Variants in GRID2 observed in about 807,000 individuals in gnomAD.
The protein encoded by GRID2 is glutamate ionotropic receptor delta type subunit 2.
In GRID2, 33 loss-of-function variants were observed where a neutral mutation model predicts 114.8. The ratio of observed to expected loss-of-function variants is 0.29; its 90% confidence interval spans 0.22 to 0.38. The LOEUF is 0.38. Ranked by LOEUF, GRID2 falls within the 10% of genes least tolerant of loss-of-function variation. GRID2 has a pLI of 1.00. For synonymous variants in GRID2, 505 were observed against 449.9 expected (o/e 1.12, Z -1.55); for missense variants, 1,184 against 1,257.7 (o/e 0.94, Z 0.89).
At chr4:93,477,765 A>C (rs910116669) in intron 11 of GRID2, among the ~76,000 whole-genome samples, 2 of 152,158 alleles carry the variant, frequency 1.3e-5, no homozygotes, top group Non-Finnish European at 2.9e-5. Flanking sequence ...TGTCCAGTAG[A>C]ACTGAATGCA....
At chr4:93,500,114 T>G (rs1266926826) in intron 12 of GRID2, among the ~76,000 whole-genome samples, 1 of 151,982 alleles carries the variant, frequency 6.6e-6, no homozygotes, top group Non-Finnish European at 1.5e-5. Flanking sequence ...TATTTCTAAG[T>G]TATGTGGTAT....
intron 12 of GRID2, among the ~76,000 whole-genome samples, chr4:93,508,015 G>GT (rs1157343362): frequency 1.3e-5 from 2 of 151,828 alleles, no homozygotes; most frequent in Non-Finnish European, 2.9e-5. Flanking sequence ...CTGTGGGGTG[G>GT]GGGAATTGGG....
intron 2 of GRID2, among the ~76,000 whole-genome samples, chr4:92,844,705 CAAA>C (rs35173293): frequency 2.2e-5 from 2 of 92,946 alleles, no homozygotes. Context: ...GACTCTGTCT[CAAA>C]AAAAAAAAAA....
chr4:93,515,193 T>C lies in GRID2; in HGVS notation c.1998-23T>C, dbSNP rs188451408. The C allele has an allele frequency of 2.5e-4, 311 of 1,255,282 alleles. No homozygotes were observed. The African/African-American group carries it at 4.5e-3, about 18-fold the overall frequency. 77.8% of individuals were successfully genotyped at this position (1,255,282 alleles called of 1,614,324 possible). A position where few individuals can be genotyped will look rare whatever the true frequency, so the allele number is the denominator to read the frequency against. ...TACTCAGTAATGTGTCTCTTGTGTC[T>C]CTCTTCTCTCCCAATAATCAAGGTC... On this transcript the variant is annotated intron_variant, in intron 12 of 15. Coordinates refer to ENST00000282020, the MANE Select transcript of GRID2 (RefSeq NM_001510.4).
chr4:93,159,581 T>C (rs972221472), intron 4 of GRID2, among the ~76,000 whole-genome samples: 1 of 151,700 alleles, frequency 6.6e-6, no homozygotes, highest in African/African-American at 2.4e-5. Context: ...AGATTACTAA[T>C]ACAGAAGAGT....
intron 12 of GRID2, among the ~76,000 whole-genome samples, chr4:93,498,969 ATGTGTTTTTCG>A (rs1457062041): frequency 6.6e-6 from 1 of 151,768 alleles, no homozygotes; most frequent in Non-Finnish European, 1.5e-5. Flanking sequence ...CTAGTTTTCC[ATGTGTTTTTCG>A]TCATGAATAG....
intron 4 of GRID2, among the ~76,000 whole-genome samples, chr4:93,161,339 CTCA>C (rs1156358862): frequency 2.0e-5 from 3 of 151,842 alleles, no homozygotes; most frequent in African/African-American, 7.2e-5. Context: ...TTTCCAGCCT[CTCA>C]TCATTTCTGT....
At chr4:92,533,384 A>T (rs1375476911) in intron 1 of GRID2, among the ~76,000 whole-genome samples, 1 of 152,104 alleles carries the variant, frequency 6.6e-6, no homozygotes, top group Admixed American at 6.6e-5. Context: ...TTTTAACAAT[A>T]CAGAAATCAT....
chr4:93,013,901 G>T (rs1290157159), intron 2 of GRID2, among the ~76,000 whole-genome samples: 1 of 151,946 alleles, frequency 6.6e-6, no homozygotes, highest in Non-Finnish European at 1.5e-5. Flanking sequence ...ATTAGGGAAA[G>T]AAGTGGAAGG....
intron 8 of GRID2, among the ~76,000 whole-genome samples, chr4:93,250,692 TA>T (rs1748798468): frequency 6.8e-6 from 1 of 146,890 alleles, no homozygotes; most frequent in South Asian, 2.1e-4. Context: ...TATATATATA[TA>T]AAATGTGCAT....
At chr4:92,685,287 A>G (rs572935111) in intron 2 of GRID2, among the ~76,000 whole-genome samples, 1 of 152,194 alleles carries the variant, frequency 6.6e-6, no homozygotes, top group African/African-American at 2.4e-5. Flanking sequence ...GATGCATAAG[A>G]TAGTCTTGAT....
chr4:92,891,950 T>C (rs1330699586), intron 2 of GRID2, among the ~76,000 whole-genome samples: 2 of 152,232 alleles, frequency 1.3e-5, no homozygotes, highest in Non-Finnish European at 2.9e-5. Flanking sequence ...TTCCCATTAT[T>C]TTACCTTTGA....
chr4:92,799,202 G>A (rs186340259), intron 2 of GRID2, among the ~76,000 whole-genome samples: 95 of 152,050 alleles, frequency 6.2e-4, no homozygotes, highest in African/African-American at 2.0e-3. Context: ...CAGATCACCC[G>A]GCATTAGATT....
chr4:93,561,977 C>G (rs1734967573), intron 13 of GRID2, among the ~76,000 whole-genome samples: 1 of 152,072 alleles, frequency 6.6e-6, no homozygotes, highest in African/African-American at 2.4e-5. Context: ...ATGAATAAAG[C>G]TGGTATAAAC....
At chr4:93,123,787 T>C (rs1734008338) in intron 4 of GRID2, among the ~76,000 whole-genome samples, 2 of 152,194 alleles carry the variant, frequency 1.3e-5, no homozygotes, top group Non-Finnish European at 2.9e-5. Context: ...GTGAGAATTC[T>C]TGACCATTTC....
Position 93,011,302 on chromosome 4 carries a change from C to A in GRID2, c.245-73693C>A, listed in dbSNP as rs1722113166. On this transcript the variant is annotated intron_variant, in intron 2 of 15. Coordinates refer to ENST00000282020, the MANE Select transcript of GRID2 (RefSeq NM_001510.4). ...TTTGAGGTACTAAGGTTTTCCTAAA[C>A]AAGCAGAAGCTCTCAGAAACTCATC... Among the ~76,000 whole-genome samples, 4 of 151,958 alleles carry A rather than the reference C, an allele frequency of 2.6e-5. No homozygotes were observed. The South Asian group carries it at 8.3e-4, about 32-fold the overall frequency.
At chr4:93,419,784 T>C (rs927083882) in intron 9 of GRID2, among the ~76,000 whole-genome samples, 13 of 152,184 alleles carry the variant, frequency 8.5e-5, no homozygotes, top group Admixed American at 6.5e-4. Context: ...ACTTAAAAGG[T>C]AGAATTAAAG....
intron 1 of GRID2, among the ~76,000 whole-genome samples, chr4:92,394,492 G>T (rs1560604576): frequency 6.6e-6 from 1 of 151,788 alleles, no homozygotes; most frequent in East Asian, 1.9e-4. Flanking sequence ...GGCTAGTTTT[G>T]GAGTCTGTTG....
chr4:92,489,079 A>T (rs756882489), intron 1 of GRID2, among the ~76,000 whole-genome samples: 132 of 152,190 alleles, frequency 8.7e-4, no homozygotes, highest in Non-Finnish European at 1.6e-3. Context: ...TCCTCAGAAG[A>T]CATTACTACC....
Sources: allele counts gnomAD v4.1 joint callset (sites outside exome capture counted in the v4.1 genomes callset), GRCh38; gene constraint gnomAD v4.1.1; transcripts MANE v1.5; gene names NCBI Gene and HGNC (gene_info 2026-07-23, HGNC 2026-07-21).